The following FAT3 variants were observed in gnomAD, a reference collection of about 807,000 sequenced individuals.
The protein encoded by FAT3 is FAT atypical cadherin 3.
FAT3 carries 95 observed loss-of-function variants against 310.2 expected under a neutral mutation model. The observed-to-expected ratio is 0.31, with a 90% CI of 0.26 to 0.36. FAT3 has a LOEUF of 0.36. Among genes scored for constraint, FAT3 ranks in the 10% least tolerant of loss-of-function variants. The probability of loss-of-function intolerance (pLI) is 1.00; values close to 1 mark genes in which losing one functional copy is unlikely to be tolerated. For missense variants in FAT3, 5,408 were observed against 5,715.6 expected (o/e 0.95, Z 1.74); for synonymous variants, 2,314 against 2,192.9 (o/e 1.06, Z -1.54).
At chr11:92,718,754 A>C (rs1050711707) in intron 4 of FAT3, among the ~76,000 whole-genome samples, 2 of 152,162 alleles carry the variant, frequency 1.3e-5, no homozygotes, top group Non-Finnish European at 2.9e-5. Flanking sequence ...TGATCAGTAA[A>C]TATATATGAA....
chr11:92,426,017 C>T (rs1298116388), intron 2 of FAT3, among the ~76,000 whole-genome samples: 1 of 152,160 alleles, frequency 6.6e-6, no homozygotes, highest in Non-Finnish European at 1.5e-5. Context: ...AAAAGCATTC[C>T]TGTTTCTCCA....
intron 1 of FAT3, among the ~76,000 whole-genome samples, chr11:92,233,918 G>A (rs183556492): frequency 5.8e-4 from 89 of 152,246 alleles, no homozygotes; most frequent in Non-Finnish European, 7.9e-4. Flanking sequence ...TTTACATTCT[G>A]CATATTTTTG....
At chr11:92,770,210 C>G (rs1319361877) in intron 6 of FAT3, among the ~76,000 whole-genome samples, 2 of 152,098 alleles carry the variant, frequency 1.3e-5, no homozygotes, top group African/African-American at 4.8e-5. Flanking sequence ...TAGCAACAGT[C>G]TGGTCCATAG....
At chr11:92,247,440 C>T (rs1466847939) in intron 1 of FAT3, among the ~76,000 whole-genome samples, 2 of 151,688 alleles carry the variant, frequency 1.3e-5, no homozygotes, top group African/African-American at 4.8e-5. Flanking sequence ...ATTCACCGCA[C>T]GTTTTCACTC....
At chr11:92,633,370 C>T (rs1035858154) in intron 3 of FAT3, among the ~76,000 whole-genome samples, 5 of 152,044 alleles carry the variant, frequency 3.3e-5, no homozygotes, top group Admixed American at 6.6e-5. Flanking sequence ...TCTTCCAGGC[C>T]AGCATCAGCC....
At chr11:92,762,945 G>A (rs1203429719) in intron 5 of FAT3, among the ~76,000 whole-genome samples, 1 of 152,016 alleles carries the variant, frequency 6.6e-6, no homozygotes, top group Non-Finnish European at 1.5e-5. Flanking sequence ...ATCACTTGAG[G>A]TCAGGAGTTT....
chr11:92,567,538 A>G (rs1465478242), intron 3 of FAT3, among the ~76,000 whole-genome samples: 1 of 151,406 alleles, frequency 6.6e-6, no homozygotes, highest in Non-Finnish European at 1.5e-5. Context: ...ATTACTGGGT[A>G]TATACCCAAA....
intron 1 of FAT3, among the ~76,000 whole-genome samples, chr11:92,310,516 A>G (rs1947269345): frequency 6.6e-6 from 1 of 152,132 alleles, no homozygotes; most frequent in African/African-American, 2.4e-5. Flanking sequence ...AGTACTTAGA[A>G]AACTATATAA....
intron 3 of FAT3, among the ~76,000 whole-genome samples, chr11:92,581,497 C>G (rs1370804347): frequency 6.6e-6 from 1 of 152,046 alleles, no homozygotes; most frequent in East Asian, 1.9e-4. Flanking sequence ...GATGTACTCT[C>G]TCTGTGATGC....
chr11:92,859,599 C>T (rs1949071709), intron 21 of FAT3, among the ~76,000 whole-genome samples: 4 of 152,180 alleles, frequency 2.6e-5, no homozygotes, highest in Admixed American at 2.0e-4. Context: ...CTCAACAGTT[C>T]ATTAGAATGT....
Position 92,800,568 on chromosome 11 carries a change from C to T in FAT3, c.7555C>T (p.Arg2519Ter), listed in dbSNP as rs772950805. 1.9e-6 allele frequency: 3 copies of T among 1,612,508 alleles called. No individual in the cohort carries two copies. Among genetic ancestry groups the T allele is most frequent in the Non-Finnish European group, 1.7e-6 (2 of 1,179,550 alleles). ...VAAGTKVIHV[R>*]ATDGDPGTYG... ...TGCAGGAACAAAGGTAATTCATGTT[C>T]GAGCCACAGATGGTGATCCAGGGAC... Residue 2519 changes from arginine (R) to a stop codon, truncating the protein, a stop_gained, in exon 10 of 28, where the codon CGA becomes TGA. Coordinates refer to ENST00000525166, the MANE Select transcript of FAT3 (RefSeq NM_001367949.2). LOFTEE classifies it high-confidence loss of function.
chr11:92,845,003 G>T (rs11020079), intron 19 of FAT3, among the ~76,000 whole-genome samples: 1 of 151,998 alleles, frequency 6.6e-6, no homozygotes, highest in African/African-American at 2.4e-5. Context: ...GGACCCAGCC[G>T]ATAGGGATTT....
intron 2 of FAT3, among the ~76,000 whole-genome samples, chr11:92,465,895 G>GA (rs898685357): frequency 3.3e-5 from 5 of 150,530 alleles, no homozygotes; most frequent in East Asian, 1.9e-4. Context: ...GTGAAACAGG[G>GA]AAAAAAAAAG....
chr11:92,557,980 C>A (rs2135459659), intron 3 of FAT3, among the ~76,000 whole-genome samples: 1 of 152,258 alleles, frequency 6.6e-6, no homozygotes, highest in East Asian at 1.9e-4. Context: ...TTTGGAGTGG[C>A]TTCTTTTATT....
intron 22 of FAT3, among the ~76,000 whole-genome samples, chr11:92,873,957 C>T (rs370189896): frequency 2.0e-5 from 3 of 152,256 alleles, no homozygotes; most frequent in East Asian, 3.9e-4. Context: ...ATCTTATTGA[C>T]GCTTCAGTTT....
chr11:92,544,209 T>C (rs1184848734), intron 3 of FAT3, among the ~76,000 whole-genome samples: 2 of 152,176 alleles, frequency 1.3e-5, no homozygotes, highest in Non-Finnish European at 2.9e-5. Context: ...TGGGAGAAGC[T>C]GATATCTTTT....
At chr11:92,498,413 C>T in intron 2 of FAT3, 1 of 201,634 alleles carries the variant, frequency 5.0e-6, no homozygotes, top group Non-Finnish European at 1.0e-5. Context: ...TTGTCTGTAC[C>T]TCTCAGGTCA....
intron 3 of FAT3, among the ~76,000 whole-genome samples, chr11:92,686,309 CAA>C (rs1033879681): frequency 1.2e-4 from 18 of 152,170 alleles, no homozygotes; most frequent in African/African-American, 4.3e-4. Flanking sequence ...TGTTGCCAAA[CAA>C]AAGACCTGCT....
intron 3 of FAT3, among the ~76,000 whole-genome samples, chr11:92,569,262 A>C (rs1434697799): frequency 6.6e-6 from 1 of 152,168 alleles, no homozygotes; most frequent in Non-Finnish European, 1.5e-5. Flanking sequence ...AATGAAGATA[A>C]CAAGCGTACC....
Sources: allele counts gnomAD v4.1 joint callset (sites outside exome capture counted in the v4.1 genomes callset), GRCh38; gene constraint gnomAD v4.1.1; transcripts MANE v1.5; gene names NCBI Gene and HGNC (gene_info 2026-07-23, HGNC 2026-07-21).